CPEB4: variants seen among roughly 807,000 people sequenced by gnomAD.
CPEB4 encodes cytoplasmic polyadenylation element-binding protein 4.
Under a neutral mutation model 72.5 loss-of-function variants are expected in CPEB4, and 12 were observed. The ratio of observed to expected loss-of-function variants is 0.17; its 90% CI spans 0.11 to 0.27. The LOEUF (loss-of-function observed/expected upper bound fraction) is 0.27, where lower values mean the gene tolerates loss of function less well. Among genes scored for constraint, CPEB4 ranks in the 10% least tolerant of loss-of-function variants. The probability of loss-of-function intolerance (pLI) is 1.00; values close to 1 mark genes in which losing one functional copy is unlikely to be tolerated. For missense variants in CPEB4, 614 were observed against 908.5 expected, an observed-to-expected ratio of 0.68 and a Z score of 4.17; for synonymous variants, 302 against 326.3, an observed-to-expected ratio of 0.93 and a Z score of 0.80.
Position 173,890,335 on chromosome 5 carries a change from A to G in CPEB4, c.602A>G (p.Asn201Ser). ...HQGGVPAASA[N>S]NGALLFQNFP... is the part of the protein sequence containing the mutation. ...GGAGGGGTCCCTGCTGCTTCGGCTAATAACGGTGCTCTGTTGTTTCAAAAT... is the reference window on the plus strand; with the variant it reads ...GGAGGGGTCCCTGCTGCTTCGGCTAGTAACGGTGCTCTGTTGTTTCAAAAT... The change falls in exon 1 of 10, where the codon AAT becomes AGT. Residue 201 changes from asparagine to serine, a missense_variant. By Grantham distance (46) the Asn-to-Ser change is conservative. Transcript: ENST00000265085. 6.2e-7 allele frequency: 1 copy of G among 1,614,186 alleles called. No homozygotes were observed. Among genetic ancestry groups the G allele is most frequent in the Non-Finnish European group, 8.5e-7 (1 of 1,180,028 alleles).
intron 8 of CPEB4, among the ~76,000 whole-genome samples, chr5:173,952,690 G>A (rs1465984935): frequency 6.6e-6 from 1 of 152,160 alleles, no homozygotes; most frequent in African/African-American, 2.4e-5. Context: ...TAGTGTTCAA[G>A]TAATTATTAC....
chr5:173,934,226 T>G (rs1157646671), intron 3 of CPEB4, among the ~76,000 whole-genome samples: 2 of 152,166 alleles, frequency 1.3e-5, no homozygotes, highest in Non-Finnish European at 2.9e-5. Flanking sequence ...TGCCTTTCCT[T>G]TTTTCTTCAT....
chr5:173,906,653 A>G (rs1377509035), intron 1 of CPEB4, among the ~76,000 whole-genome samples: 1 of 152,210 alleles, frequency 6.6e-6, no homozygotes, highest in Non-Finnish European at 1.5e-5. Context: ...AACACCTTGC[A>G]TCTAATAGTA....
intron 2 of CPEB4, among the ~76,000 whole-genome samples, chr5:173,917,559 C>CT (rs1215650013): frequency 6.6e-6 from 1 of 152,184 alleles, no homozygotes; most frequent in Non-Finnish European, 1.5e-5. Flanking sequence ...AAACCCGTCT[C>CT]TACTAAAAAT....
intron 3 of CPEB4, among the ~76,000 whole-genome samples, chr5:173,939,238 C>T (rs1757738242): frequency 6.6e-6 from 1 of 152,146 alleles, no homozygotes; most frequent in Non-Finnish European, 1.5e-5. Flanking sequence ...CACACTTAGA[C>T]ACTGCATGCA....
At position 173,890,361 on chromosome 5, in the gene CPEB4, T is replaced by G; in HGVS notation, c.628T>G (p.Phe210Val). 1 of 1,614,034 alleles carries G rather than the reference T, an allele frequency of 6.2e-7. No individual in the cohort carries two copies. Among genetic ancestry groups the G allele is most frequent in the Non-Finnish European group, 8.5e-7 (1 of 1,179,990 alleles). The change falls in exon 1 of 10, where the codon TTC becomes GTC. Residue 210 changes from phenylalanine (F) to valine (V), a missense_variant. Physicochemically the swap from Phe to Val is conservative, Grantham distance 50. This residue lies in a region of CPEB4 where 458 missense variants were observed against 548.6 expected (regional missense o/e 0.83). Coordinates refer to ENST00000265085, the MANE Select transcript of CPEB4 (RefSeq NM_030627.4). ...ANNGALLFQN[F>V]PHHVSPGFGG... ...TAACGGTGCTCTGTTGTTTCAAAAT[T>G]TCCCCCATCATGTCAGCCCTGGCTT...
intron 1 of CPEB4, among the ~76,000 whole-genome samples, chr5:173,893,738 A>G (rs1400715681): frequency 6.6e-6 from 1 of 152,200 alleles, no homozygotes; most frequent in Non-Finnish European, 1.5e-5. Flanking sequence ...CTGAAGTGTA[A>G]CTGATATTAG....
chr5:173,915,875 A>G (rs890557309), intron 2 of CPEB4, among the ~76,000 whole-genome samples: 1 of 152,236 alleles, frequency 6.6e-6, no homozygotes, highest in Non-Finnish European at 1.5e-5. Flanking sequence ...AGTGAAATAA[A>G]GATTCATGAG....
intron 3 of CPEB4, among the ~76,000 whole-genome samples, chr5:173,940,507 G>C (rs1251562586): frequency 6.6e-6 from 1 of 152,200 alleles, no homozygotes; most frequent in Non-Finnish European, 1.5e-5. Context: ...TGAAATAAGT[G>C]AGGAAAAGTG....
intron 2 of CPEB4, chr5:173,918,153 T>A (rs1756945375): frequency 6.6e-6 from 1 of 152,310 alleles, no homozygotes; most frequent in South Asian, 2.1e-4. Context: ...TCTCCTCCTG[T>A]ACTCTCCCTC....
At chr5:173,905,037 A>T (rs929427330) in intron 1 of CPEB4, among the ~76,000 whole-genome samples, 1 of 149,872 alleles carries the variant, frequency 6.7e-6, no homozygotes, top group Admixed American at 6.7e-5. Flanking sequence ...AACTTAGAAG[A>T]TTTGAGGATT....
intron 1 of CPEB4, 111 bp from the exon 2 acceptor site, chr5:173,910,412 G>A: frequency 2.8e-6 from 2 of 725,896 alleles, no homozygotes; most frequent in Non-Finnish European, 4.9e-6. Context: ...GCCTTACATA[G>A]AGAGTAAAAT....
intron 1 of CPEB4, among the ~76,000 whole-genome samples, chr5:173,905,838 A>G (rs1025590846): frequency 4.6e-5 from 7 of 152,350 alleles, no homozygotes; most frequent in African/African-American, 1.7e-4. Flanking sequence ...AAAAAGCTAG[A>G]ATACAAATGT....
Position 173,949,546 on chromosome 5 carries a change from A to G in CPEB4, c.1495A>G (p.Ile499Val). 1.9e-6 allele frequency: 3 copies of G among 1,613,674 alleles called. No individual in the cohort carries two copies. Among genetic ancestry groups the G allele is most frequent in the Non-Finnish European group, 2.5e-6 (3 of 1,179,738 alleles). ...TAGTTTTCGTCGCTTTGGCCCTCTG[A>G]TTGTGGATTGGCCTCATAAAGCTGA... ...TASFRRFGPLIVDWPHKAESK... is the reference protein window; with the variant it reads ...TASFRRFGPLVVDWPHKAESK... Residue 499 changes from isoleucine (I) to valine (V), a missense_variant, in exon 6 of 10, where the codon ATT (isoleucine) becomes GTT (valine). By Grantham distance (29) the Ile-to-Val change is conservative. Coordinates refer to ENST00000265085, the MANE Select transcript of CPEB4 (RefSeq NM_030627.4).
intron 2 of CPEB4, among the ~76,000 whole-genome samples, chr5:173,929,850 T>C (rs762235523): frequency 2.6e-5 from 4 of 152,222 alleles, no homozygotes; most frequent in Admixed American, 6.5e-5. Flanking sequence ...TCTTAATATT[T>C]CAACTAATGT....
rs1230226986 is a variant in CPEB4, at chr5:173,957,946, T to C, written c.*1809T>C. ...AGGGAGCTGCTTTTAAAGAATTCCC[T>C]GCAAATACTGAAAGCAGTCATGCGA... On this transcript the variant is annotated 3_prime_UTR_variant, in exon 10 of 10. Coordinates refer to ENST00000265085, the MANE Select transcript of CPEB4 (RefSeq NM_030627.4). 2.0e-5 allele frequency: 3 copies of C among 152,828 alleles called. No individual in the cohort carries two copies. Among genetic ancestry groups the C allele is most frequent in the Non-Finnish European group, 4.4e-5 (3 of 68,038 alleles). The allele number at this position is 152,828 out of a possible 1,614,324, so 9.5% of individuals were successfully genotyped here.
chr5:173,898,222 T>A (rs1756095689), intron 1 of CPEB4, among the ~76,000 whole-genome samples: 2 of 152,180 alleles, frequency 1.3e-5, no homozygotes, highest in African/African-American at 4.8e-5. Flanking sequence ...ATTTAAATAA[T>A]AGTTCTTCCA....
At chr5:173,927,009 C>T (rs1422230563) in intron 2 of CPEB4, among the ~76,000 whole-genome samples, 6 of 151,988 alleles carry the variant, frequency 3.9e-5, no homozygotes, top group African/African-American at 1.2e-4. Context: ...AAATTACCCG[C>T]GCATGATGGC....
At chr5:173,947,009 A>C (rs902821075) in intron 5 of CPEB4, among the ~76,000 whole-genome samples, 1 of 151,816 alleles carries the variant, frequency 6.6e-6, no homozygotes, top group Non-Finnish European at 1.5e-5. Flanking sequence ...ACCTATGAGA[A>C]TAGGTATCGT....
Sources: allele counts gnomAD v4.1 joint callset (sites outside exome capture counted in the v4.1 genomes callset), GRCh38; gene constraint gnomAD v4.1.1; regional missense constraint gnomAD v4.1.1; transcripts MANE v1.5; gene names NCBI Gene and HGNC (gene_info 2026-07-23, HGNC 2026-07-21).